The following PCLAF variants were observed in gnomAD, a reference collection of about 807,000 sequenced individuals.
PCLAF encodes the protein PCNA-associated factor.
A neutral mutation model predicts 15.1 loss-of-function variants in PCLAF; 12 were observed. The ratio of observed to expected loss-of-function variants is 0.79; its 90% CI spans 0.51 to 1.29. The LOEUF is 1.29. Among genes scored for constraint, PCLAF ranks in the 50% most tolerant of loss-of-function variants. The pLI is 0.00. For synonymous variants in PCLAF, 33 were observed against 47.1 expected (o/e 0.70, Z 1.22); for missense variants, 116 against 130.9 (o/e 0.89, Z 0.56).
At chr15:64,375,131 T>C (rs1028325518) in intron 3 of PCLAF, among the ~76,000 whole-genome samples, 89 of 152,252 alleles carry the variant, frequency 5.8e-4, no homozygotes, top group African/African-American at 2.0e-3. Flanking sequence ...TTTATTTTAC[T>C]TGATTTTTTT....
intron 3 of PCLAF, among the ~76,000 whole-genome samples, chr15:64,375,479 C>T (rs907515215): frequency 2.0e-5 from 3 of 152,124 alleles, no homozygotes; most frequent in South Asian, 4.1e-4. Context: ...GGCGGGATCT[C>T]GGCTCACTGC....
At chr15:64,381,569 A>G, upstream of PCLAF, 1 of 1,430,700 alleles carries the variant, frequency 7.0e-7, no homozygotes, top group South Asian at 1.4e-5. Flanking sequence ...CCCAGTGGTG[A>G]CAGCGGCGAG....
intron 3 of PCLAF, among the ~76,000 whole-genome samples, chr15:64,366,647 G>A (rs1277110666): frequency 2.6e-5 from 4 of 151,884 alleles, no homozygotes; most frequent in Non-Finnish European, 5.9e-5. Flanking sequence ...AGACCAACCT[G>A]GGCAACTTAG....
chr15:64,381,061 G>C, intron 1 of PCLAF, 23 bp from the exon 2 acceptor site: 1 of 1,611,652 alleles, frequency 6.2e-7, no homozygotes, highest in Non-Finnish European at 8.5e-7. Context: ...GCAAAAAAGG[G>C]TGTTCAGAAG....
chr15:64,370,966 C>CTTTTT (rs11299642), intron 3 of PCLAF, among the ~76,000 whole-genome samples: 2 of 77,326 alleles, frequency 2.6e-5, no homozygotes, highest in South Asian at 3.8e-4. Context: ...ATTTCATGTT[C>CTTTTT]TTTTTTTTTT....
At chr15:64,383,424 T>C (rs1040508709), upstream of PCLAF, among the ~76,000 whole-genome samples, 1 of 151,730 alleles carries the variant, frequency 6.6e-6, no homozygotes, top group African/African-American at 2.4e-5. Flanking sequence ...TGGAATGCAG[T>C]GGCGTGTTCT....
At chr15:64,367,190 T>C (rs754883020) in intron 3 of PCLAF, among the ~76,000 whole-genome samples, 3 of 151,906 alleles carry the variant, frequency 2.0e-5, no homozygotes, top group Admixed American at 6.6e-5. Context: ...AGTTGTAGCT[T>C]TTGAAAAATA....
chr15:64,367,715 T>A (rs1366048069), intron 3 of PCLAF, among the ~76,000 whole-genome samples: 1 of 151,274 alleles, frequency 6.6e-6, no homozygotes, highest in Non-Finnish European at 1.5e-5. Flanking sequence ...GCCCACCTAA[T>A]TTTTTTGTAT....
At chr15:64,386,485 T>C (rs545475034) in intron 1 of PCLAF, among the ~76,000 whole-genome samples, 40 of 152,220 alleles carry the variant, frequency 2.6e-4, no homozygotes, top group African/African-American at 8.2e-4. Flanking sequence ...CATGCCAGGC[T>C]AATTTTTTTC....
chr15:64,368,722 T>C (rs1899154452), intron 3 of PCLAF, among the ~76,000 whole-genome samples: 1 of 150,126 alleles, frequency 6.7e-6, no homozygotes, highest in Non-Finnish European at 1.5e-5. Flanking sequence ...TAAACCTCTA[T>C]TACCTAGGTT....
rs947866644 is a variant in PCLAF at position 64,387,395 on chromosome 15, A to AAATT, written n.241+48_241+51dup. On this transcript the variant is annotated intron_variant and non_coding_transcript_variant, in intron 1 of 1. Transcript: ENST00000558250. Reference sequence around the variant, plus strand: ...AGACTCCGTCTCAAAATAAATAAATAAATTAATTAATTAATTAAAAAATTA... The same window carrying AAATT: ...AGACTCCGTCTCAAAATAAATAAATAAATTAATTAATTAATTAATTAAAAAATTA... The AAATT allele has an allele frequency of 2.3e-4, 206 of 877,792 alleles. No individual in the cohort carries two copies. In the Middle Eastern group the frequency reaches 9.4e-3, roughly 40 times the overall value. 54.4% of individuals were successfully genotyped at this position (877,792 alleles called of 1,614,324 possible). A position where few individuals can be genotyped will look rare whatever the true frequency, so the allele number is the denominator to read the frequency against.
In PCLAF at chr15:64,365,906, C is replaced by T; in HGVS notation, c.*124G>A. The T allele has an allele frequency of 2.6e-6, 2 of 771,918 alleles. No homozygotes were observed. The highest frequency in any genetic ancestry group is 4.2e-6 in the Non-Finnish European group (2 of 471,808). 47.8% of individuals were successfully genotyped at this position (771,918 alleles called of 1,614,324 possible). A position where few individuals can be genotyped will look rare whatever the true frequency, so the allele number is the denominator to read the frequency against. ...CTACTTTTGAACATCTAAATTTAAA[C>T]CTAAATTTTTTAATTAAATGCCTGT... is the stretch of plus-strand genomic sequence containing the variant. On this transcript the variant is annotated 3_prime_UTR_variant, in exon 4 of 4. Coordinates refer to ENST00000300035, the MANE Select transcript of PCLAF (RefSeq NM_014736.6).
chr15:64,387,150 G>T (rs1899960678), intron 1 of PCLAF, among the ~76,000 whole-genome samples: 1 of 151,964 alleles, frequency 6.6e-6, no homozygotes. Context: ...GAATCTAGTA[G>T]TCGACTACAG....
chr15:64,380,935 A>G, intron 2 of PCLAF, 23 bp downstream of exon 2: 1 of 1,608,646 alleles, frequency 6.2e-7, no homozygotes, highest in Non-Finnish European at 8.5e-7. Context: ...CTGATCCCCT[A>G]ACTTTAGGAG....
chr15:64,377,094 T>C (rs1899625043), intron 2 of PCLAF, among the ~76,000 whole-genome samples, 189 bp from the exon 3 acceptor site: 1 of 152,114 alleles, frequency 6.6e-6, no homozygotes, highest in Non-Finnish European at 1.5e-5. Context: ...CTCAGTGTGA[T>C]GGTTATCTTA....
exon 1 of PCLAF, chr15:64,387,515 C>T (rs775537538): frequency 7.7e-7 from 1 of 1,305,566 alleles, no homozygotes; most frequent in Non-Finnish European, 9.9e-7. Flanking sequence ...AAGCTGGCCT[C>T]TCAGCTTTCC....
exon 1 of PCLAF, chr15:64,387,526 G>A: frequency 7.7e-7 from 1 of 1,306,830 alleles, no homozygotes; most frequent in Non-Finnish European, 9.9e-7. Context: ...TCAGCTTTCC[G>A]GGTATTGGTT....
chr15:64,370,225 C>T (rs1250309298), intron 3 of PCLAF, among the ~76,000 whole-genome samples: 3 of 151,376 alleles, frequency 2.0e-5, no homozygotes, highest in South Asian at 2.1e-4. Context: ...TACAGGTGTG[C>T]GCCACCATGC....
chr15:64,371,613 A>AT (rs921801585), intron 3 of PCLAF, among the ~76,000 whole-genome samples: 3 of 150,706 alleles, frequency 2.0e-5, no homozygotes, highest in African/African-American at 7.3e-5. Flanking sequence ...AAACAGATCA[A>AT]TTTTTTTTGA....
Sources: gnomAD v4.1 joint callset for allele counts (sites outside exome capture counted in the v4.1 genomes callset) on GRCh38, gnomAD v4.1.1 for gene constraint, MANE v1.5 for transcripts, NCBI Gene and HGNC (gene_info 2026-07-23, HGNC 2026-07-21) for gene names.